The following NYNRIN variants were observed in gnomAD, a reference collection of about 807,000 sequenced individuals.
NYNRIN encodes the protein protein NYNRIN.
A neutral mutation model predicts 146.6 loss-of-function variants in NYNRIN; 86 were observed. The observed-to-expected ratio is 0.59, with a 90% CI of 0.49 to 0.70. The LOEUF (loss-of-function observed/expected upper bound fraction) is 0.70, where lower values mean the gene tolerates loss of function less well. Among genes scored for constraint, NYNRIN ranks in the 30% least tolerant of loss-of-function variants. The pLI is 0.00. For missense variants in NYNRIN, 2,191 were observed against 2,377.7 expected, an observed-to-expected ratio of 0.92 and a Z score of 1.63; for synonymous variants, 1,027 against 1,001.3, an observed-to-expected ratio of 1.03 and a Z score of -0.48.
At position 24,409,621 on chromosome 14, in the gene NYNRIN, T is replaced by G. The variant is rs2042898135; in HGVS notation, c.1827T>G (p.Asn609Lys). Reference sequence around the variant, plus strand: ...CCACAGCTCAAAAAACAGTTGTGAATCAACCAGTGTTGGTAGCTCAAGTGG... The same window carrying G: ...CCACAGCTCAAAAAACAGTTGTGAAGCAACCAGTGTTGGTAGCTCAAGTGG... ...LMATAQKTVV[N>K]QPVLVAQVEP... Residue 609 changes from asparagine to lysine, a missense_variant, in exon 4 of 9, where the codon AAT becomes AAG. Transcript: ENST00000382554. 1 of 1,608,032 alleles carries G rather than the reference T, an allele frequency of 6.2e-7. No homozygotes were observed. Among genetic ancestry groups the G allele is most frequent in the Admixed American group, 1.7e-5 (1 of 59,130 alleles).
chr14:24,413,303 C>T lies in NYNRIN; in HGVS notation c.2745-13C>T, dbSNP rs778989633. On this transcript the variant is annotated splice_polypyrimidine_tract_variant and intron_variant, in intron 7 of 8. Coordinates refer to ENST00000382554, the MANE Select transcript of NYNRIN (RefSeq NM_025081.3). ...GCTCACAGTGACTGTGCCTCTTCTC[C>T]CCCTGGGCCCAGCTTGCTGCCTTTC... The T allele has an allele frequency of 2.5e-6, 4 of 1,608,068 alleles. No homozygotes were observed. Among genetic ancestry groups the T allele is most frequent in the Non-Finnish European group, 2.5e-6 (3 of 1,176,914 alleles).
At position 24,411,124 on chromosome 14, in the gene NYNRIN, G is replaced by T. The variant is rs375824714; in HGVS notation, c.2463G>T (p.Val821=). The change falls in exon 5 of 9, where the codon GTG becomes GTT. Residue 821 remains valine (V), a synonymous_variant. Transcript: ENST00000382554. This position sits in a 1 kb window ranked among gnomAD's most constrained non-coding sequence, Gnocchi z 4.3. ...FFSCRGIAMA[V]QFFWNRGHRE... ...CCTGCCGAGGAATTGCCATGGCAGTGCAGTTTTTCTGGAACCGGGGACACC... is the reference window on the plus strand; with the variant it reads ...CCTGCCGAGGAATTGCCATGGCAGTTCAGTTTTTCTGGAACCGGGGACACC... The T allele has an allele frequency of 6.2e-7, 1 of 1,613,344 alleles. No individual in the cohort carries two copies. Among genetic ancestry groups the T allele is most frequent in the African/African-American group, 1.3e-5 (1 of 74,990 alleles).
In NYNRIN at chr14:24,416,968, C is replaced by T. The variant is rs1453092400; in HGVS notation, c.5219C>T (p.Ser1740Phe). ...CTGCATGGGAAGAAGTGGGCGGCCT[C>T]CCTGCCTTTGCTGCACCTGGCCTTC... Reference protein sequence around the residue: ...IFLHGKKWAASLPLLHLAFRA... With the variant: ...IFLHGKKWAAFLPLLHLAFRA... The change falls in exon 9 of 9, where the codon TCC (serine) becomes TTC (phenylalanine). Residue 1740 changes from serine to phenylalanine, a missense_variant. Ser to Phe is a radical substitution (Grantham distance 155). Coordinates refer to ENST00000382554, the MANE Select transcript of NYNRIN (RefSeq NM_025081.3). The T allele has an allele frequency of 6.3e-7, 1 of 1,584,926 alleles. No homozygotes were observed. Among genetic ancestry groups the T allele is most frequent in the East Asian group, 2.2e-5 (1 of 44,486 alleles).
chr14:24,400,527 A>G lies in NYNRIN; in HGVS notation c.198+1083A>G, dbSNP rs1318745935. 5.3e-5 allele frequency among the ~76,000 whole-genome samples: 8 copies of G among 152,192 alleles called. No homozygotes were observed. The East Asian group carries it at 1.5e-3, about 29-fold the overall frequency. On this transcript the variant is annotated intron_variant, in intron 2 of 8. Transcript: ENST00000382554. ...CGGCCAGCCAGCCTGGTAGGCAGGCAGGCTGGGAAGTTCCTCCCTCAACCC... is the reference window on the plus strand; with the variant it reads ...CGGCCAGCCAGCCTGGTAGGCAGGCGGGCTGGGAAGTTCCTCCCTCAACCC...
rs375921086 is a variant in NYNRIN at position 24,415,830 on chromosome 14, G to A, written c.4081G>A (p.Gly1361Ser). 30 of 1,613,748 alleles carry A rather than the reference G, an allele frequency of 1.9e-5. No homozygotes were observed. Among genetic ancestry groups the A allele is most frequent in the Non-Finnish European group, 2.5e-5 (30 of 1,179,864 alleles). The change falls in exon 9 of 9, where the codon GGC becomes AGC. Residue 1361 changes from glycine to serine, a missense_variant. This residue lies in a region of NYNRIN where 1,291 missense variants were observed against 1,417.0 expected (regional missense o/e 0.91). Coordinates refer to ENST00000382554, the MANE Select transcript of NYNRIN (RefSeq NM_025081.3). The part of the protein sequence containing the change: ...TYAHLAAVAC[G>S]LERFGQSPLP... ...TGCCCACCTGGCAGCCGTGGCCTGC[G>A]GCCTGGAGCGCTTTGGCCAGTCCCC...
chr14:24,400,316 C>G (rs753989384), intron 2 of NYNRIN, among the ~76,000 whole-genome samples: 1 of 152,238 alleles, frequency 6.6e-6, no homozygotes, highest in Non-Finnish European at 1.5e-5. Flanking sequence ...TTGGGCCTGT[C>G]AGATTCCACT....
intron 3 of NYNRIN, 36 bp from the exon 4 acceptor site, chr14:24,408,616 C>T: frequency 1.3e-6 from 2 of 1,555,092 alleles, no homozygotes; most frequent in Non-Finnish European, 1.7e-6. Flanking sequence ...ACCAAACTGG[C>T]CTTCCACCTT....
In NYNRIN at chr14:24,411,476, C is replaced by A; in HGVS notation, c.2642+26C>A. On this transcript the variant is annotated intron_variant, in intron 6 of 8. Coordinates refer to ENST00000382554, the MANE Select transcript of NYNRIN (RefSeq NM_025081.3). This position sits in a 1 kb window ranked among gnomAD's most constrained non-coding sequence, Gnocchi z 4.3. ...GTGTGCCGGTCCCCAGGCCTGCCCT[C>A]CTGGGCTCAGGGAGTTGGGCCTGGC... 6.2e-7 allele frequency: 1 copy of A among 1,602,090 alleles called. No homozygotes were observed. Among genetic ancestry groups the A allele is most frequent in the Non-Finnish European group, 8.6e-7 (1 of 1,169,326 alleles).
In NYNRIN at chr14:24,416,180, T is replaced by A; in HGVS notation, c.4431T>A (p.Asn1477Lys). 1 of 1,613,926 alleles carries A rather than the reference T, an allele frequency of 6.2e-7. No homozygotes were observed. Among genetic ancestry groups the A allele is most frequent in the Non-Finnish European group, 8.5e-7 (1 of 1,179,880 alleles). The change falls in exon 9 of 9, where the codon AAT becomes AAA. Residue 1477 changes from asparagine to lysine, a missense_variant. By Grantham distance (94) the Asn-to-Lys change is moderately conservative. Around this residue, in one of 3 missense-constraint regions of NYNRIN, gnomAD observed 1,291 missense variants for 1,417.0 expected, o/e 0.91. Transcript: ENST00000382554. ...CCCATGCCATGGGCAAGAGGCCCAA[T>A]TTGCTGGCATTACAGCTGAGTGACA... ...VSPHAMGKRP[N>K]LLALQLSDST...
In NYNRIN at chr14:24,409,239, C is replaced by A; in HGVS notation, c.1445C>A (p.Pro482His). ...VSSDLPQIGPPLTSTPQLQAG... is the reference protein window; with the variant it reads ...VSSDLPQIGPHLTSTPQLQAG... ...TCGGATCTCCCACAGATAGGGCCAC[C>A]CTTGACCTCTACACCCCAACTACAG... is the stretch of plus-strand genomic sequence containing the variant. Residue 482 changes from proline (P) to histidine (H), a missense_variant, in exon 4 of 9, where the codon CCC becomes CAC. This residue lies in a region of NYNRIN where 895 missense variants were observed against 941.2 expected (regional missense o/e 0.95). Transcript: ENST00000382554. 1 of 1,613,896 alleles carries A rather than the reference C, an allele frequency of 6.2e-7. No homozygotes were observed.
rs1317901011 is a variant in NYNRIN at position 24,416,114 on chromosome 14, G to A, written c.4365G>A (p.Trp1455Ter). The A allele has an allele frequency of 6.2e-7, 1 of 1,613,986 alleles. No homozygotes were observed. Among genetic ancestry groups the A allele is most frequent in the Non-Finnish European group, 8.5e-7 (1 of 1,179,896 alleles). The change falls in exon 9 of 9, where the codon TGG becomes TGA. Residue 1455 changes from tryptophan to a stop codon, truncating the protein, a stop_gained. Transcript: ENST00000382554. LOFTEE classifies it high-confidence loss of function. ...AKQGAQGGGQ[W>*]WSLPKDVPAP... is the part of the protein sequence containing the mutation. ...AGGGTGCCCAGGGGGGTGGGCAGTG[G>A]TGGAGTTTGCCAAAGGATGTGCCAG... is the stretch of plus-strand genomic sequence containing the variant.
chr14:24,416,943 C>T lies in NYNRIN; in HGVS notation c.5194C>T (p.Leu1732=), dbSNP rs1329776168. 3 of 1,589,520 alleles carry T rather than the reference C, an allele frequency of 1.9e-6. No individual in the cohort carries two copies. The highest frequency in any genetic ancestry group is 2.6e-6 in the Non-Finnish European group (3 of 1,166,308). The change falls in exon 9 of 9, where the codon CTG becomes TTG. Residue 1732 remains leucine (L), a synonymous_variant. Transcript: ENST00000382554. ...FKRALKEFIF[L]HGKKWAASLP... ...GAGGGCCCTCAAGGAGTTCATCTTC[C>T]TGCATGGGAAGAAGTGGGCGGCCTC...
In NYNRIN at chr14:24,417,314, G is replaced by A; in HGVS notation, c.5565G>A (p.Arg1855=). 2.5e-6 allele frequency: 4 copies of A among 1,612,440 alleles called. No individual in the cohort carries two copies. The highest frequency in any genetic ancestry group is 3.4e-6 in the Non-Finnish European group (4 of 1,179,206). ...KWVGPFYIGD[R]LSLSLYRIWG... is the part of the protein sequence containing the mutation. ...TGGGTCCCTTCTATATCGGGGACCG[G>A]CTGAGCCTGTCACTCTATAGGATAT... Residue 1855 remains arginine, a synonymous_variant, in exon 9 of 9, where the codon CGG becomes CGA. Transcript: ENST00000382554.
rs762429960 is a variant in NYNRIN, at chr14:24,413,107, G to A, written c.2744+9G>A. The A allele has an allele frequency of 1.2e-5, 19 of 1,552,668 alleles. No individual in the cohort carries two copies. In the Middle Eastern group the frequency reaches 5.0e-4, roughly 41 times the overall value. The stretch of plus-strand genomic sequence containing the variant: ...CTGATGGTCAAAGATCGGTAAGATG[G>A]TCCCCAGAGGCTTGAGCCATTCCTT... On this transcript the variant is annotated intron_variant, in intron 7 of 8. Transcript: ENST00000382554.
chr14:24,417,147 C>A lies in NYNRIN; in HGVS notation c.5398C>A (p.Leu1800Ile), dbSNP rs1002655975. 7 of 1,613,884 alleles carry A rather than the reference C, an allele frequency of 4.3e-6. No homozygotes were observed. In the Admixed American group the frequency reaches 1.0e-4, roughly 23 times the overall value. Residue 1800 changes from leucine (L) to isoleucine (I), a missense_variant, in exon 9 of 9, where the codon CTC becomes ATC. Around this residue, in one of 3 missense-constraint regions of NYNRIN, gnomAD observed 1,291 missense variants for 1,417.0 expected, o/e 0.91. Transcript: ENST00000382554. The stretch of plus-strand genomic sequence containing the variant: ...ACAGCTGGTGGGGGAGCTGCTGGAG[C>A]TCCACTGGAGGGTGGCTGACAAGGC... ...LLQLVGELLE[L>I]HWRVADKASE...
Position 24,418,475 on chromosome 14 carries a change from C to T in NYNRIN, c.*1029C>T. 2.9e-6 allele frequency: 1 copy of T among 345,162 alleles called. No individual in the cohort carries two copies. Among genetic ancestry groups the T allele is most frequent in the Non-Finnish European group, 5.7e-6 (1 of 174,928 alleles). 21.4% of individuals were successfully genotyped at this position (345,162 alleles called of 1,614,324 possible). A position where few individuals can be genotyped will look rare whatever the true frequency, so the allele number is the denominator to read the frequency against. On this transcript the variant is annotated 3_prime_UTR_variant, in exon 9 of 9. Transcript: ENST00000382554. ...TGTGTGATTGCTTCATCTGTATCACCCCCCGAGTCCTGTGGACCTGCCTTC... is the reference window on the plus strand; with the variant it reads ...TGTGTGATTGCTTCATCTGTATCACTCCCCGAGTCCTGTGGACCTGCCTTC...
In NYNRIN at chr14:24,415,920, C is replaced by T. The variant is rs568146265; in HGVS notation, c.4171C>T (p.Leu1391Phe). The T allele has an allele frequency of 5.0e-6, 8 of 1,613,986 alleles. No individual in the cohort carries two copies. In the East Asian group the frequency reaches 1.6e-4, roughly 31 times the overall value. ...CAGCCTCCTGTGGGAGCTCCTGCCC[C>T]TCTGGAGGGCTCGGGGCTTCCTCTC... ...IFSLLWELLP[L>F]WRARGFLSSD... Residue 1391 changes from leucine (L) to phenylalanine (F), a missense_variant, in exon 9 of 9, where the codon CTC (leucine) becomes TTC (phenylalanine). Leu to Phe is a conservative substitution (Grantham distance 22, BLOSUM62 0). Around this residue, in one of 3 missense-constraint regions of NYNRIN, gnomAD observed 1,291 missense variants for 1,417.0 expected, o/e 0.91. Transcript: ENST00000382554.
rs1438137128 is a variant in NYNRIN at position 24,417,228 on chromosome 14, A to G, written c.5479A>G (p.Asn1827Asp). The stretch of plus-strand genomic sequence containing the variant: ...GCGGGAGAGCCAGGAGAAGGAGTGG[A>G]ATGTGGGTGACCAGGTCCTTTTGCT... ...FKRESQEKEW[N>D]VGDQVLLLSL... The change falls in exon 9 of 9, where the codon AAT becomes GAT. Residue 1827 changes from asparagine (N) to aspartate (D), a missense_variant. Around this residue, in one of 3 missense-constraint regions of NYNRIN, gnomAD observed 1,291 missense variants for 1,417.0 expected, o/e 0.91. Transcript: ENST00000382554. 2.5e-6 allele frequency: 4 copies of G among 1,613,892 alleles called. No homozygotes were observed. The highest frequency in any genetic ancestry group is 3.4e-6 in the Non-Finnish European group (4 of 1,179,894).
rs2042959731 is a variant in NYNRIN at position 24,417,896 on chromosome 14, C to T, written c.*450C>T. On this transcript the variant is annotated 3_prime_UTR_variant, in exon 9 of 9. Transcript: ENST00000382554. Reference sequence around the variant, plus strand: ...ACAGAAACCCCAAATGTGGGCTCCTCCCTCCAACCTGTTCTTTTGGGGACC... The same window carrying T: ...ACAGAAACCCCAAATGTGGGCTCCTTCCTCCAACCTGTTCTTTTGGGGACC... 4.9e-6 allele frequency: 1 copy of T among 203,410 alleles called. No homozygotes were observed. The highest frequency in any genetic ancestry group is 1.0e-5 in the Non-Finnish European group (1 of 99,102). The allele number at this position is 203,410 out of a possible 1,614,324, so 12.6% of individuals were successfully genotyped here. A position where few individuals can be genotyped will look rare whatever the true frequency, so the allele number is the denominator to read the frequency against.
Sources: gnomAD v4.1 joint callset for allele counts (sites outside exome capture counted in the v4.1 genomes callset) on GRCh38, gnomAD v4.1.1 for gene constraint, gnomAD v4.1.1 regional missense constraint, Gnocchi (gnomAD v3.1) non-coding constraint, MANE v1.5 for transcripts, NCBI Gene and HGNC (gene_info 2026-07-23, HGNC 2026-07-21) for gene names.